The following MGST1 variants were observed in gnomAD, a reference collection of about 807,000 sequenced individuals.
MGST1 encodes microsomal glutathione S-transferase 1, also known as glutathione S-transferase 12.
MGST1 carries 5 observed loss-of-function variants against 8.9 expected under a neutral mutation model. The ratio of observed to expected loss-of-function variants is 0.56; its 90% CI spans 0.29 to 1.19. The LOEUF (loss-of-function observed/expected upper bound fraction) is 1.19, where lower values mean the gene tolerates loss of function less well. MGST1 is among the 50% of genes most tolerant of loss of function. MGST1 has a pLI of 0.08. For synonymous variants in MGST1, 54 were observed against 67.8 expected (o/e 0.80, Z 1.00); for missense variants, 182 against 187.4 (o/e 0.97, Z 0.17).
At chr12:16,572,941 C>CA (rs1942865019) in intron 4 of MGST1, among the ~76,000 whole-genome samples, 1 of 151,248 alleles carries the variant, frequency 6.6e-6, no homozygotes, top group Non-Finnish European at 1.5e-5. Context: ...AATTGATCAT[C>CA]AAAATAGGAA....
At chr12:16,551,040 A>T (rs1281084637) in intron 4 of MGST1, 1 of 520,188 alleles carries the variant, frequency 1.9e-6, no homozygotes. Flanking sequence ...TAAACATTCA[A>T]CTCTGAACTG....
At chr12:16,396,612 A>C (rs912582259) in intron 1 of MGST1, among the ~76,000 whole-genome samples, 1 of 152,172 alleles carries the variant, frequency 6.6e-6, no homozygotes, top group Non-Finnish European at 1.5e-5. Flanking sequence ...ATTAATATAC[A>C]TAAATCAGTA....
intron 4 of MGST1, among the ~76,000 whole-genome samples, chr12:16,567,199 A>G (rs2137397880): frequency 1.6e-5 from 1 of 63,762 alleles, no homozygotes; most frequent in African/African-American, 9.0e-5. Context: ...TCCACCTCAA[A>G]ACAAACAAAC....
rs549044079 is a variant in MGST1, at chr12:16,538,189, G to A, written n.483-51339G>A. On this transcript the variant is annotated intron_variant and non_coding_transcript_variant, in intron 4 of 4. Coordinates refer to the MGST1 transcript ENST00000538857. ...CACATCTGTAGGGCAGGGGCAAAATGCCACCATTCTCTCTGCTAAAACACA... is the reference window on the plus strand; with the variant it reads ...CACATCTGTAGGGCAGGGGCAAAATACCACCATTCTCTCTGCTAAAACACA... Among the ~76,000 whole-genome samples, 8 of 152,256 alleles carry A rather than the reference G, an allele frequency of 5.3e-5. 1 individual carries two copies. In the South Asian group the frequency reaches 1.7e-3, roughly 32 times the overall value.
At chr12:16,478,154 C>A (rs1971699) in intron 4 of MGST1, among the ~76,000 whole-genome samples, 1 of 152,084 alleles carries the variant, frequency 6.6e-6, no homozygotes, top group South Asian at 2.1e-4. Flanking sequence ...CTCAGCCTCT[C>A]GAGTAGCTGG....
chr12:16,442,561 C>T (rs749054174), downstream of MGST1, among the ~76,000 whole-genome samples: 3 of 151,674 alleles, frequency 2.0e-5, no homozygotes, highest in South Asian at 2.1e-4. The surrounding 1 kb of genome is among the most constrained non-coding windows in gnomAD (Gnocchi z 4.5). Flanking sequence ...AACTTTGTGT[C>T]GAAAAGACTT....
At chr12:16,472,854 C>T (rs1373071537) in intron 4 of MGST1, among the ~76,000 whole-genome samples, 2 of 152,082 alleles carry the variant, frequency 1.3e-5, no homozygotes, top group Admixed American at 6.5e-5. Context: ...AATCCTCATC[C>T]CTTCCTAAAA....
At chr12:16,377,993 G>C (rs569028236), downstream of MGST1, among the ~76,000 whole-genome samples, 11 of 150,864 alleles carry the variant, frequency 7.3e-5, no homozygotes, top group East Asian at 1.9e-3. Flanking sequence ...TGATGGGGTT[G>C]TTTGTTTTTT....
At chr12:16,583,624 T>A (rs1303753733) in intron 4 of MGST1, among the ~76,000 whole-genome samples, 1 of 152,198 alleles carries the variant, frequency 6.6e-6, no homozygotes, top group East Asian at 1.9e-4. Flanking sequence ...AGAGGCTGAT[T>A]TATATCAAAC....
intron 1 of MGST1, among the ~76,000 whole-genome samples, chr12:16,409,442 A>G (rs573115020): frequency 4.6e-5 from 7 of 152,278 alleles, no homozygotes; most frequent in African/African-American, 1.4e-4. Context: ...AATAAGGGCT[A>G]GACGTTCACC....
Position 16,559,743 on chromosome 12 carries a change from G to C in MGST1, n.483-29785G>C, listed in dbSNP as rs1334309192. 1.3e-5 allele frequency among the ~76,000 whole-genome samples: 2 copies of C among 151,488 alleles called. No homozygotes were observed. The highest frequency in any genetic ancestry group is 4.9e-5 in the African/African-American group (2 of 41,174). On this transcript the variant is annotated intron_variant and non_coding_transcript_variant, in intron 4 of 4. Coordinates refer to the MGST1 transcript ENST00000538857. The surrounding 1 kb of genome is among the most constrained non-coding windows in gnomAD (Gnocchi z 4.1). Reference sequence around the variant, plus strand: ...AGGTGGGAGGATTGCTTGAGGCCAGGAGTTTGAGACCAGCCTGGGTAACAT... The same window carrying C: ...AGGTGGGAGGATTGCTTGAGGCCAGCAGTTTGAGACCAGCCTGGGTAACAT...
chr12:16,440,952 C>A (rs917582892), downstream of MGST1, among the ~76,000 whole-genome samples: 1 of 151,740 alleles, frequency 6.6e-6, no homozygotes, highest in East Asian at 1.9e-4. Flanking sequence ...ATTGAATTTG[C>A]TTTTCTTTAA....
intron 4 of MGST1, among the ~76,000 whole-genome samples, chr12:16,542,484 T>G (rs1707379498): frequency 6.6e-6 from 1 of 152,212 alleles, no homozygotes; most frequent in Admixed American, 6.5e-5. Flanking sequence ...TTATTCCCTC[T>G]TTTGTAAGTC....
intron 1 of MGST1, chr12:16,400,758 T>C: frequency 2.4e-6 from 3 of 1,268,716 alleles, no homozygotes; most frequent in East Asian, 2.3e-5. Flanking sequence ...ATACTTATAT[T>C]CTTGATTGTG....
intron 4 of MGST1, among the ~76,000 whole-genome samples, chr12:16,523,780 A>G (rs1185189017): frequency 6.6e-6 from 1 of 152,114 alleles, no homozygotes; most frequent in East Asian, 1.9e-4. Flanking sequence ...ATATTGTTCA[A>G]GTTTCTTAAC....
chr12:16,568,965 T>C (rs1187879953), intron 4 of MGST1, among the ~76,000 whole-genome samples: 1 of 152,194 alleles, frequency 6.6e-6, no homozygotes, highest in Non-Finnish European at 1.5e-5. Flanking sequence ...ACTTGAAACT[T>C]AAAAATATGT....
At chr12:16,431,259 A>G (rs1454033302) in intron 1 of MGST1, among the ~76,000 whole-genome samples, 1 of 152,200 alleles carries the variant, frequency 6.6e-6, no homozygotes, top group Non-Finnish European at 1.5e-5. Flanking sequence ...CATATCAGCA[A>G]TTAGGCTGTT....
At chr12:16,399,115 G>A (rs1432282605) in intron 1 of MGST1, among the ~76,000 whole-genome samples, 1 of 152,156 alleles carries the variant, frequency 6.6e-6, no homozygotes, top group Non-Finnish European at 1.5e-5. Context: ...GGCCTGGAAT[G>A]CTCCGAGTAG....
At chr12:16,573,668 T>A (rs1942898507) in intron 4 of MGST1, 1 of 152,220 alleles carries the variant, frequency 6.6e-6, no homozygotes, top group African/African-American at 2.4e-5. Flanking sequence ...GAGGCTCCCT[T>A]CCTGCTCTGC....
Sources: allele counts gnomAD v4.1 joint callset (sites outside exome capture counted in the v4.1 genomes callset), GRCh38; gene constraint gnomAD v4.1.1; non-coding constraint Gnocchi (gnomAD v3.1); transcripts MANE v1.5; gene names NCBI Gene and HGNC (gene_info 2026-07-23, HGNC 2026-07-21).